The following FHIT variants were observed in gnomAD, a reference collection of about 807,000 sequenced individuals.
The protein encoded by FHIT is bis(5'-adenosyl)-triphosphatase.
In FHIT, 19 loss-of-function variants were observed where a neutral mutation model predicts 17.9. The ratio of observed to expected loss-of-function variants is 1.06; its 90% CI spans 0.74 to 1.56. FHIT has a LOEUF of 1.56. FHIT is among the 40% of genes most tolerant of loss of function. The pLI, the probability that FHIT is intolerant of heterozygous loss-of-function variation, is 0.00. For synonymous variants in FHIT, 81 were observed against 69.7 expected (o/e 1.16, Z -0.81); for missense variants, 248 against 189.2 (o/e 1.31, Z -1.82).
At chr3:60,302,199 TA>T (rs1298401318) in intron 5 of FHIT, among the ~76,000 whole-genome samples, 4 of 152,136 alleles carry the variant, frequency 2.6e-5, no homozygotes, top group Middle Eastern at 3.2e-3. Flanking sequence ...ATTCTTTTTT[TA>T]AATTTTTATC....
At chr3:60,054,619 A>G (rs1702009278) in intron 5 of FHIT, among the ~76,000 whole-genome samples, 1 of 152,216 alleles carries the variant, frequency 6.6e-6, no homozygotes, top group Admixed American at 6.5e-5. Flanking sequence ...TACTGAGAAC[A>G]TGGCAACACT....
intron 4 of FHIT, among the ~76,000 whole-genome samples, chr3:60,542,926 A>T (rs183829963): frequency 2.0e-5 from 3 of 152,282 alleles, no homozygotes; most frequent in African/African-American, 7.2e-5. Context: ...AACTTTGTTT[A>T]TAGTATGAAA....
chr3:60,013,396 T>A (rs1456206624), intron 6 of FHIT, among the ~76,000 whole-genome samples: 1 of 152,190 alleles, frequency 6.6e-6, no homozygotes, highest in East Asian at 1.9e-4. Flanking sequence ...TCATGGTATG[T>A]TACTACGGAT....
At chr3:60,082,409 T>C (rs1237814884) in intron 5 of FHIT, among the ~76,000 whole-genome samples, 1 of 152,186 alleles carries the variant, frequency 6.6e-6, no homozygotes, top group Admixed American at 6.5e-5. Flanking sequence ...ATGTCTTTGC[T>C]ATTGTAAATA....
chr3:60,831,564 C>T (rs992812996), intron 3 of FHIT, among the ~76,000 whole-genome samples: 13 of 151,886 alleles, frequency 8.6e-5, no homozygotes, highest in African/African-American at 2.4e-4. Flanking sequence ...TGCCAGAGTT[C>T]GGGTTGTACC....
At chr3:60,644,831 C>A (rs115658443) in intron 4 of FHIT, among the ~76,000 whole-genome samples, 3,551 of 152,292 alleles carry the variant, frequency 0.023, 74 homozygotes, top group South Asian at 0.044. Context: ...TCCAGATCAC[C>A]CTGTGGCCCC....
intron 2 of FHIT, among the ~76,000 whole-genome samples, chr3:61,154,573 G>A (rs189252134): frequency 1.3e-5 from 2 of 152,216 alleles, no homozygotes; most frequent in East Asian, 3.9e-4. Flanking sequence ...AAGATCAGAG[G>A]AAATGATTTA....
At chr3:60,331,056 T>A (rs1437488242) in intron 5 of FHIT, among the ~76,000 whole-genome samples, 1 of 152,184 alleles carries the variant, frequency 6.6e-6, no homozygotes, top group African/African-American at 2.4e-5. Context: ...CTGCATATCT[T>A]AGCGTGGAGT....
At chr3:61,200,022 A>C (rs926499047) in intron 2 of FHIT, among the ~76,000 whole-genome samples, 1 of 152,200 alleles carries the variant, frequency 6.6e-6, no homozygotes, top group Admixed American at 6.5e-5. Context: ...ACTTGATTGT[A>C]ATGTTTCACA....
At chr3:60,130,042 G>A (rs1429387053) in intron 5 of FHIT, among the ~76,000 whole-genome samples, 1 of 152,032 alleles carries the variant, frequency 6.6e-6, no homozygotes, top group Non-Finnish European at 1.5e-5. Flanking sequence ...CACAGTCTAA[G>A]CATTTTGGTG....
At chr3:61,056,160 G>T (rs376569370) in intron 2 of FHIT, among the ~76,000 whole-genome samples, 1 of 152,172 alleles carries the variant, frequency 6.6e-6, no homozygotes, top group Non-Finnish European at 1.5e-5. Context: ...GATGGCTCAC[G>T]CCTGTAATCC....
intron 4 of FHIT, among the ~76,000 whole-genome samples, chr3:60,695,601 T>C (rs2041095804): frequency 6.6e-6 from 1 of 152,106 alleles, no homozygotes; most frequent in Admixed American, 6.6e-5. Flanking sequence ...CTGGCTGCTT[T>C]GGGAGGATCA....
chr3:59,750,061 ACAAGTTAGGG>A (rs1298528103), intron 9 of FHIT: 1 of 224,960 alleles, frequency 4.4e-6, no homozygotes, highest in African/African-American at 2.2e-5. Flanking sequence ...AGTTTGTGTA[ACAAGTTAGGG>A]TAAATATCTT....
At chr3:61,213,907 C>T (rs565070196) in intron 1 of FHIT, among the ~76,000 whole-genome samples, 35 of 152,262 alleles carry the variant, frequency 2.3e-4, no homozygotes, top group Admixed American at 7.8e-4. Context: ...TGAATGACTA[C>T]TGGGTACATA....
chr3:60,505,862 A>G (rs776108625), intron 5 of FHIT, among the ~76,000 whole-genome samples: 1 of 152,178 alleles, frequency 6.6e-6, no homozygotes, highest in Non-Finnish European at 1.5e-5. Flanking sequence ...CTTCTATATT[A>G]TCATCATTCT....
chr3:60,781,052 C>T (rs1366532398), intron 4 of FHIT, among the ~76,000 whole-genome samples: 1 of 152,182 alleles, frequency 6.6e-6, no homozygotes, highest in Non-Finnish European at 1.5e-5. Context: ...CTCTCTTTAG[C>T]TGAACTAAGG....
intron 5 of FHIT, among the ~76,000 whole-genome samples, chr3:60,442,254 G>T (rs890901810): frequency 2.6e-5 from 4 of 151,988 alleles, no homozygotes; most frequent in African/African-American, 9.7e-5. Flanking sequence ...TAAGGTTCCT[G>T]ATTCATCCTC....
intron 5 of FHIT, among the ~76,000 whole-genome samples, chr3:60,018,173 C>G (rs151201032): frequency 1.1e-3 from 175 of 152,248 alleles, no homozygotes; most frequent in African/African-American, 4.1e-3. Context: ...TTGCAGAGAT[C>G]ATATGGTGAG....
At chr3:59,784,678 C>T (rs1702757315) in intron 8 of FHIT, among the ~76,000 whole-genome samples, 1 of 152,304 alleles carries the variant, frequency 6.6e-6, no homozygotes, top group South Asian at 2.1e-4. Context: ...TCCTTGTGCT[C>T]TCTCCTAGAG....
Sources: gnomAD v4.1 joint callset for allele counts (sites outside exome capture counted in the v4.1 genomes callset) on GRCh38, gnomAD v4.1.1 for gene constraint, MANE v1.5 for transcripts, NCBI Gene and HGNC (gene_info 2026-07-23, HGNC 2026-07-21) for gene names.